The following CHCHD3 variants were observed in gnomAD, a reference collection of about 807,000 sequenced individuals.
The protein encoded by CHCHD3 is coiled-coil-helix-coiled-coil-helix domain containing 3.
CHCHD3 carries 20 observed loss-of-function variants against 38.2 expected under a neutral mutation model. That is an observed-to-expected ratio of 0.52 (90% CI 0.37 to 0.76). The LOEUF (loss-of-function observed/expected upper bound fraction) is 0.76. Among genes scored for constraint, CHCHD3 ranks in the 30% least tolerant of loss-of-function variants. CHCHD3 has a pLI of 0.00. For synonymous variants in CHCHD3, 82 were observed against 100.0 expected (o/e 0.82, Z 1.07); for missense variants, 245 against 279.2 (o/e 0.88, Z 0.87).
chr7:132,933,410 C>T (rs1262982099), intron 4 of CHCHD3, among the ~76,000 whole-genome samples: 2 of 152,168 alleles, frequency 1.3e-5, no homozygotes, highest in Non-Finnish European at 2.9e-5. Context: ...AAACATCAGC[C>T]AGACTTTATC....
chr7:132,962,532 G>GA (rs565004792), intron 4 of CHCHD3, among the ~76,000 whole-genome samples: 10 of 152,296 alleles, frequency 6.6e-5, no homozygotes, highest in African/African-American at 2.4e-4. Flanking sequence ...TATTTCAGAT[G>GA]AAATTATTGT....
chr7:132,815,545 A>G (rs1807178416), intron 6 of CHCHD3: 1 of 456,228 alleles, frequency 2.2e-6, no homozygotes, highest in Non-Finnish European at 4.4e-6. Context: ...GGGAGAAGTA[A>G]CGAGTTCTCC....
chr7:132,805,970 A>G (rs1275389967), intron 6 of CHCHD3, among the ~76,000 whole-genome samples: 2 of 152,210 alleles, frequency 1.3e-5, no homozygotes, highest in African/African-American at 4.8e-5. Context: ...GTTGGAGCTC[A>G]GCATGATGGC....
intron 4 of CHCHD3, among the ~76,000 whole-genome samples, chr7:132,919,936 A>G (rs1056411362): frequency 1.3e-5 from 2 of 152,180 alleles, no homozygotes; most frequent in Non-Finnish European, 2.9e-5. Context: ...TACATGTTAC[A>G]CAATTCAAGG....
At chr7:132,871,549 C>T (rs1012182989) in intron 5 of CHCHD3, among the ~76,000 whole-genome samples, 1 of 152,178 alleles carries the variant, frequency 6.6e-6, no homozygotes, top group African/African-American at 2.4e-5. Context: ...CTTCTCAACA[C>T]GTGGACTGCT....
At chr7:133,080,676 A>ACAAAATG (rs1407285592) in intron 1 of CHCHD3, among the ~76,000 whole-genome samples, 22 of 152,238 alleles carry the variant, frequency 1.4e-4, no homozygotes, top group Non-Finnish European at 2.6e-4. Context: ...AAAATGTAGT[A>ACAAAATG]CTACCATTAA....
chr7:132,984,979 G>A (rs1812056460), intron 3 of CHCHD3, among the ~76,000 whole-genome samples: 1 of 76,242 alleles, frequency 1.3e-5, no homozygotes, highest in Non-Finnish European at 2.7e-5. Flanking sequence ...CTACTGGGAA[G>A]TGAGGAGTCC....
chr7:132,865,151 C>T (rs984784277), intron 5 of CHCHD3, among the ~76,000 whole-genome samples: 23 of 152,186 alleles, frequency 1.5e-4, no homozygotes, highest in Admixed American at 1.2e-3. Flanking sequence ...AATTATATGG[C>T]GTGAGAAAAA....
intron 4 of CHCHD3, among the ~76,000 whole-genome samples, chr7:132,959,075 C>A (rs1385217337): frequency 6.6e-6 from 1 of 152,100 alleles, no homozygotes; most frequent in African/African-American, 2.4e-5. Flanking sequence ...GAATTTCAGG[C>A]CAAATAGAGA....
At chr7:133,022,603 G>C (rs1813218873) in intron 3 of CHCHD3, 4 of 406,772 alleles carry the variant, frequency 9.8e-6, no homozygotes, top group East Asian at 7.2e-5. Context: ...TTTTCATGAA[G>C]GAGGCTTCAA....
chr7:133,066,520 G>A (rs1421637174), intron 2 of CHCHD3, among the ~76,000 whole-genome samples: 1 of 152,044 alleles, frequency 6.6e-6, no homozygotes. Context: ...CTCTCAAAGT[G>A]ATGGGATTAC....
In CHCHD3 at chr7:132,797,030, G is replaced by A. The variant is rs145629017; in HGVS notation, c.525-453C>T. Among the ~76,000 whole-genome samples, 472 of 152,268 alleles carry A rather than the reference G, an allele frequency of 3.1e-3. 1 individual carries two copies. Among genetic ancestry groups the A allele is most frequent in the African/African-American group, 0.011 (454 of 41,558 alleles). Reference sequence around the variant, plus strand: ...AAACAACCTCCCAGCTGGTCTCTCAGCTTTGACACCCTCTACTCCTGCCTG... The same window carrying A: ...AAACAACCTCCCAGCTGGTCTCTCAACTTTGACACCCTCTACTCCTGCCTG... On this transcript the variant is annotated intron_variant, in intron 6 of 7. Coordinates refer to ENST00000262570, the MANE Select transcript of CHCHD3 (RefSeq NM_017812.4).
At chr7:133,047,187 C>CT (rs1017664320) in intron 2 of CHCHD3, among the ~76,000 whole-genome samples, 17 of 151,526 alleles carry the variant, frequency 1.1e-4, no homozygotes, top group Admixed American at 2.6e-4. Context: ...AATGGGACTT[C>CT]TTTTTTTTTA....
chr7:132,923,227 T>C (rs1454837549), intron 4 of CHCHD3, among the ~76,000 whole-genome samples: 2 of 152,178 alleles, frequency 1.3e-5, no homozygotes, highest in Non-Finnish European at 2.9e-5. Context: ...AATTTTTTAA[T>C]TTAGATTCAA....
At chr7:132,952,641 T>C (rs952137830) in intron 4 of CHCHD3, among the ~76,000 whole-genome samples, 2 of 152,216 alleles carry the variant, frequency 1.3e-5, no homozygotes, top group Non-Finnish European at 1.5e-5. Flanking sequence ...ACTATAAACA[T>C]AGGCCATATA....
At chr7:133,045,821 T>C (rs560698442) in intron 2 of CHCHD3, among the ~76,000 whole-genome samples, 4 of 152,060 alleles carry the variant, frequency 2.6e-5, no homozygotes, top group Admixed American at 2.6e-4. Context: ...TCTCATGAGA[T>C]CTAGTCGTTT....
intron 2 of CHCHD3, among the ~76,000 whole-genome samples, chr7:133,058,028 T>C (rs1181080483): frequency 6.6e-6 from 1 of 152,142 alleles, no homozygotes; most frequent in Non-Finnish European, 1.5e-5. Context: ...TCCCATCAGA[T>C]TCCCAGAGAA....
chr7:133,029,271 T>C (rs192660186), intron 2 of CHCHD3, among the ~76,000 whole-genome samples: 3 of 152,298 alleles, frequency 2.0e-5, no homozygotes, highest in East Asian at 3.9e-4. Flanking sequence ...ACAGTTACCA[T>C]TGGGGTGGGG....
intron 6 of CHCHD3, among the ~76,000 whole-genome samples, chr7:132,819,143 G>A (rs994691170): frequency 1.5e-4 from 23 of 152,306 alleles, no homozygotes; most frequent in African/African-American, 4.8e-4. Context: ...TACAATTCCT[G>A]CCCTCAAGAA....
Sources: allele counts gnomAD v4.1 joint callset (sites outside exome capture counted in the v4.1 genomes callset), GRCh38; gene constraint gnomAD v4.1.1; transcripts MANE v1.5; gene names NCBI Gene and HGNC (gene_info 2026-07-23, HGNC 2026-07-21).